Variants in ADAM7 observed in about 807,000 individuals in gnomAD.
The protein encoded by ADAM7 is disintegrin and metalloproteinase domain-containing protein 7.
In ADAM7, 97 loss-of-function variants were observed where a neutral mutation model predicts 102.9. That is an observed-to-expected ratio of 0.94 (90% CI 0.80 to 1.12). The LOEUF (loss-of-function observed/expected upper bound fraction) is 1.12. ADAM7 is among the 50% of genes most tolerant of loss of function. The pLI is 0.00. For missense variants in ADAM7, 991 were observed against 908.7 expected (o/e 1.09, Z -1.16); for synonymous variants, 334 against 304.4 (o/e 1.10, Z -1.01).
intron 8 of ADAM7, among the ~76,000 whole-genome samples, chr8:24,480,359 T>C (rs1000069137): frequency 6.6e-6 from 1 of 152,168 alleles, no homozygotes; most frequent in African/African-American, 2.4e-5. Flanking sequence ...GTATCCCTTC[T>C]TACTGGCCCT....
chr8:24,497,730 T>G (rs1231164683), intron 16 of ADAM7, among the ~76,000 whole-genome samples: 2 of 151,990 alleles, frequency 1.3e-5, no homozygotes, highest in Non-Finnish European at 2.9e-5. Context: ...CAGGAAAAAT[T>G]TATAGAAAGA....
At position 24,444,681 on chromosome 8, in the gene ADAM7, T is replaced by TA. The variant is rs528819861; in HGVS notation, c.156+2116dup. 2.1e-3 allele frequency among the ~76,000 whole-genome samples: 300 copies of TA among 143,486 alleles called. 1 individual carries two copies. Among genetic ancestry groups the TA allele is most frequent in the South Asian group, 4.4e-3 (20 of 4,506 alleles). 94.1% of individuals were successfully genotyped at this position (143,486 alleles called of 152,430 possible). ...ATACTCCCCATAAAGGTCCAGATCGTAAAAAAAAAAACACAAAAAAACGAA... is the reference window on the plus strand; with the variant it reads ...ATACTCCCCATAAAGGTCCAGATCGTAAAAAAAAAAAACACAAAAAAACGAA... On this transcript the variant is annotated intron_variant, in intron 2 of 21. Coordinates refer to ENST00000175238, the MANE Select transcript of ADAM7 (RefSeq NM_003817.4).
intron 17 of ADAM7, 124 bp downstream of exon 17, chr8:24,499,440 T>C (rs1379531866): frequency 6.0e-6 from 4 of 667,932 alleles, no homozygotes; most frequent in Non-Finnish European, 8.9e-6. Flanking sequence ...ATCAAATATA[T>C]ATTTGGGATT....
chr8:24,485,802 C>A (rs528741376), intron 10 of ADAM7, among the ~76,000 whole-genome samples: 14 of 152,224 alleles, frequency 9.2e-5, no homozygotes, highest in Admixed American at 8.5e-4. Context: ...GACCTAAAAA[C>A]TGTTGACTCC....
At chr8:24,483,446 A>G (rs536055586) in intron 9 of ADAM7, among the ~76,000 whole-genome samples, 1 of 152,292 alleles carries the variant, frequency 6.6e-6, no homozygotes, top group African/African-American at 2.4e-5. Flanking sequence ...TATTTCTCCT[A>G]AGGTCTGCAA....
Position 24,447,878 on chromosome 8 carries a change from A to G in ADAM7, c.233+616A>G, listed in dbSNP as rs927455510. 2.0e-5 allele frequency among the ~76,000 whole-genome samples: 3 copies of G among 151,966 alleles called. No individual in the cohort carries two copies. The East Asian group carries it at 5.8e-4, about 29-fold the overall frequency. On this transcript the variant is annotated intron_variant, in intron 3 of 21. Coordinates refer to ENST00000175238, the MANE Select transcript of ADAM7 (RefSeq NM_003817.4). ...GAGCTGTCAAATGCTAAGCAGAAAG[A>G]AAGAGTGACACTACTGGGGAATTGA...
chr8:24,507,298 T>A (rs1820983746), intron 20 of ADAM7, among the ~76,000 whole-genome samples, 182 bp from the exon 21 acceptor site: 3 of 152,046 alleles, frequency 2.0e-5, no homozygotes, highest in Admixed American at 2.0e-4. Context: ...CTCAATCCCA[T>A]AGGAATTTAC....
At chr8:24,468,882 C>A in intron 7 of ADAM7, 62 bp downstream of exon 7, 1 of 1,453,062 alleles carries the variant, frequency 6.9e-7, no homozygotes, top group Non-Finnish European at 9.6e-7. Flanking sequence ...AGTTATCATT[C>A]TAGCATAGAG....
intron 7 of ADAM7, among the ~76,000 whole-genome samples, chr8:24,473,052 A>G (rs972908348): frequency 6.6e-6 from 1 of 152,202 alleles, no homozygotes; most frequent in African/African-American, 2.4e-5. Flanking sequence ...TTGAAAAATT[A>G]CATAAGTAGT....
chr8:24,505,803 T>C (rs1820931205), intron 20 of ADAM7, among the ~76,000 whole-genome samples: 1 of 151,962 alleles, frequency 6.6e-6, no homozygotes, highest in Non-Finnish European at 1.5e-5. Context: ...AATTGTGGAG[T>C]TTCTCAAAGA....
intron 2 of ADAM7, among the ~76,000 whole-genome samples, chr8:24,445,341 AC>A (rs1411043899): frequency 7.2e-5 from 11 of 152,170 alleles, no homozygotes; most frequent in Non-Finnish European, 1.3e-4. Flanking sequence ...TGCAGTCAAA[AC>A]AACCTTAACT....
chr8:24,468,092 T>TA (rs1169810363), intron 6 of ADAM7, among the ~76,000 whole-genome samples: 2 of 151,342 alleles, frequency 1.3e-5, no homozygotes, highest in African/African-American at 2.4e-5. Flanking sequence ...AAAATAAATT[T>TA]AAAAAAAAGA....
chr8:24,500,981 G>A, intron 19 of ADAM7, 86 bp downstream of exon 19: 1 of 1,130,090 alleles, frequency 8.8e-7, no homozygotes, highest in East Asian at 2.4e-5. Context: ...TATTCAATGG[G>A]GGGAAGTATA....
chr8:24,498,595 G>A (rs1418127403), intron 16 of ADAM7, among the ~76,000 whole-genome samples: 1 of 151,170 alleles, frequency 6.6e-6, no homozygotes, highest in African/African-American at 2.4e-5. Context: ...GATGTATTAA[G>A]TTCTCCCTAC....
At chr8:24,482,047 T>G in intron 8 of ADAM7, 95 bp from the exon 9 acceptor site, 2 of 917,382 alleles carry the variant, frequency 2.2e-6, no homozygotes, top group Admixed American at 6.5e-5. Context: ...CAAGTTCAAA[T>G]TATTGTTTTT....
At chr8:24,468,007 G>A (rs537333223) in intron 6 of ADAM7, among the ~76,000 whole-genome samples, 161 of 152,116 alleles carry the variant, frequency 1.1e-3, no homozygotes, top group Non-Finnish European at 1.8e-3. Context: ...GGAAGGTTGC[G>A]GTGAGCCAAG....
intron 3 of ADAM7, among the ~76,000 whole-genome samples, chr8:24,457,883 T>C (rs1344424218): frequency 1.3e-5 from 2 of 151,926 alleles, no homozygotes; most frequent in East Asian, 3.9e-4. Context: ...TGTGTGTGTG[T>C]GTGTGTGTAA....
At chr8:24,505,737 C>A (rs1317558785) in intron 20 of ADAM7, among the ~76,000 whole-genome samples, 1 of 152,088 alleles carries the variant, frequency 6.6e-6, no homozygotes, top group Non-Finnish European at 1.5e-5. Flanking sequence ...GGGGAGTTAA[C>A]AGAATGCACT....
chr8:24,466,604 A>C (rs1016842507), intron 5 of ADAM7, among the ~76,000 whole-genome samples, 195 bp from the exon 6 acceptor site: 4 of 152,180 alleles, frequency 2.6e-5, no homozygotes, highest in Admixed American at 1.3e-4. Context: ...AAATCTAGTA[A>C]GTTGACTCTT....
Sources: gnomAD v4.1 joint callset for allele counts (sites outside exome capture counted in the v4.1 genomes callset) on GRCh38, gnomAD v4.1.1 for gene constraint, MANE v1.5 for transcripts, NCBI Gene and HGNC (gene_info 2026-07-23, HGNC 2026-07-21) for gene names.